The following UTRN variants were observed in gnomAD, a reference collection of about 807,000 sequenced individuals.
UTRN encodes the protein utrophin.
UTRN carries 283 observed loss-of-function variants against 463.9 expected under a neutral mutation model. The ratio of observed to expected loss-of-function variants is 0.61; its 90% CI spans 0.55 to 0.67. The LOEUF (loss-of-function observed/expected upper bound fraction) is 0.67. Ranked by LOEUF, UTRN falls within the 30% of genes least tolerant of loss-of-function variation. The pLI is 0.00. For missense variants in UTRN, 3,922 were observed against 4,084.3 expected (o/e 0.96, Z 1.08); for synonymous variants, 1,442 against 1,431.5 (o/e 1.01, Z -0.17).
intron 6 of UTRN, among the ~76,000 whole-genome samples, chr6:144,425,873 A>G (rs1785250063): frequency 6.6e-6 from 1 of 152,244 alleles, no homozygotes; most frequent in Non-Finnish European, 1.5e-5. Context: ...TGCAGTCAGG[A>G]AAGATACTTT....
rs141322351 is a variant in UTRN, at chr6:144,543,424, C to T, written c.6595+554C>T. Among the ~76,000 whole-genome samples the T allele has an allele frequency of 4.1e-4, 62 of 152,304 alleles. No individual in the cohort carries two copies. In the Middle Eastern group the frequency reaches 0.017, roughly 42 times the overall value. ...CCTTCTCTCTTTATCCAGATTAGAT[C>T]GCAGGCTCCTGCCCCATAGCCACTG... On this transcript the variant is annotated intron_variant, in intron 46 of 74. Transcript: ENST00000367545.
chr6:144,707,241 C>G (rs775379511), intron 53 of UTRN, among the ~76,000 whole-genome samples: 1 of 151,896 alleles, frequency 6.6e-6, no homozygotes, highest in East Asian at 1.9e-4. Flanking sequence ...CCCCAAGAAC[C>G]AATTTTTGTT....
In UTRN at chr6:144,748,355, A is replaced by G. The variant is rs371700258; in HGVS notation, c.8049A>G (p.Gln2683=). The G allele has an allele frequency of 9.3e-6, 15 of 1,613,730 alleles. No individual in the cohort carries two copies. In the African/African-American group the frequency reaches 1.9e-4, roughly 20 times the overall value. The change falls in exon 55 of 75, where the codon CAA becomes CAG. Residue 2683 remains glutamine (Q), a synonymous_variant. Coordinates refer to ENST00000367545, the MANE Select transcript of UTRN (RefSeq NM_007124.3). ...TAAATGCTGTAACTAGCAATTGGCA[A>G]AAGCAAGTGGACAAGGCATTGGAGA... The part of the protein sequence containing the change: ...ESLNAVTSNW[Q]KQVDKALEKL...
At chr6:144,661,712 C>G (rs1449829408) in intron 51 of UTRN, among the ~76,000 whole-genome samples, 2 of 152,160 alleles carry the variant, frequency 1.3e-5, no homozygotes, top group Non-Finnish European at 2.9e-5. Flanking sequence ...TAATTCATTA[C>G]TTAGACCCCC....
intron 71 of UTRN, among the ~76,000 whole-genome samples, chr6:144,837,533 A>T (rs1781203450): frequency 6.6e-6 from 1 of 152,194 alleles, no homozygotes; most frequent in African/African-American, 2.4e-5. Context: ...TGACATCAAC[A>T]TGCATGTCAT....
chr6:144,832,161 G>A (rs925822482), intron 69 of UTRN, among the ~76,000 whole-genome samples: 4 of 152,108 alleles, frequency 2.6e-5, no homozygotes, highest in Non-Finnish European at 4.4e-5. Context: ...TGTTCTATCT[G>A]CATTTAAAGA....
Position 144,475,236 on chromosome 6 carries a change from G to A in UTRN, c.3336+477G>A, listed in dbSNP as rs190926171. ...GGGCTAGGTGGGTTATTTCAAATAG[G>A]ATGGTCAGGGAAGGACTTTCTGAGA... On this transcript the variant is annotated intron_variant, in intron 25 of 74. Coordinates refer to ENST00000367545, the MANE Select transcript of UTRN (RefSeq NM_007124.3). Among the ~76,000 whole-genome samples, 738 of 152,302 alleles carry A rather than the reference G, an allele frequency of 4.8e-3. 3 individuals are homozygous for A. Among genetic ancestry groups the A allele is most frequent in the Middle Eastern group, 6.8e-3 (2 of 294 alleles).
chr6:144,537,362 T>C (rs1226881777), intron 43 of UTRN, among the ~76,000 whole-genome samples: 1 of 152,034 alleles, frequency 6.6e-6, no homozygotes, highest in African/African-American at 2.4e-5. Flanking sequence ...AGTTTCAATG[T>C]TTTTGAATTT....
At chr6:144,652,944 GC>G in intron 51 of UTRN, among the ~76,000 whole-genome samples, 1 of 152,246 alleles carries the variant, frequency 6.6e-6, no homozygotes, top group Middle Eastern at 3.4e-3. Context: ...ATATAATGAT[GC>G]CACCCTTTTT....
chr6:144,477,755 A>G (rs928447838), intron 25 of UTRN, among the ~76,000 whole-genome samples: 3 of 152,174 alleles, frequency 2.0e-5, no homozygotes, highest in African/African-American at 7.2e-5. Flanking sequence ...AATTTTTCTC[A>G]ATGTGCTATA....
At chr6:144,533,018 G>A in intron 42 of UTRN, 67 bp from the exon 43 acceptor site, 2 of 817,160 alleles carry the variant, frequency 2.4e-6, no homozygotes, top group Non-Finnish European at 4.0e-6. Context: ...CAATACTTGG[G>A]TGGATTCATT....
rs534580875 is a variant in UTRN, at chr6:144,741,071, G to A, written c.7940-7175G>A. On this transcript the variant is annotated intron_variant, in intron 54 of 74. Coordinates refer to ENST00000367545, the MANE Select transcript of UTRN (RefSeq NM_007124.3). ...GTACTTATGTTTTGTGATTGTTGTT[G>A]TTCTTAGTAGAAAACTGGAATCTTC... 1.1e-4 allele frequency among the ~76,000 whole-genome samples: 16 copies of A among 152,284 alleles called. No homozygotes were observed. In the East Asian group the frequency reaches 1.2e-3, roughly 11 times the overall value.
chr6:144,679,285 C>A (rs1781972843), intron 52 of UTRN, among the ~76,000 whole-genome samples: 1 of 151,984 alleles, frequency 6.6e-6, no homozygotes, highest in Non-Finnish European at 1.5e-5. Context: ...TTATTGGGAT[C>A]AAGAATATTT....
At position 144,558,014 on chromosome 6, in the gene UTRN, T is replaced by G. The variant is rs187019141; in HGVS notation, c.7289+703T>G. ...TCATGCATATAGTACTGGGAATGCC[T>G]GTGTCTAGGTGAAATTACGCACATC... is the stretch of plus-strand genomic sequence containing the variant. On this transcript the variant is annotated intron_variant, in intron 50 of 74. Transcript: ENST00000367545. Among the ~76,000 whole-genome samples, 623 of 152,308 alleles carry G rather than the reference T, an allele frequency of 4.1e-3. 4 individuals are homozygous for G. Among genetic ancestry groups the G allele is most frequent in the Non-Finnish European group, 6.4e-3 (435 of 68,024 alleles).
chr6:144,385,110 C>T (rs1052837911), intron 2 of UTRN, among the ~76,000 whole-genome samples: 1 of 152,034 alleles, frequency 6.6e-6, no homozygotes, highest in Admixed American at 6.6e-5. Context: ...TTATACAGTC[C>T]ATAGGTTCAG....
chr6:144,374,772 G>T (rs1170027968), intron 2 of UTRN, among the ~76,000 whole-genome samples: 4 of 151,248 alleles, frequency 2.6e-5, no homozygotes, highest in African/African-American at 9.7e-5. Flanking sequence ...GTGAGCTACC[G>T]CGCCCAGCCT....
At chr6:144,491,244 T>A in intron 32 of UTRN, 142 bp downstream of exon 32, 1 of 790,848 alleles carries the variant, frequency 1.3e-6, no homozygotes, top group Non-Finnish European at 1.8e-6. Flanking sequence ...GAAAACGTGT[T>A]AAAAAATAAG....
At chr6:144,519,590 T>A (rs545817490) in intron 39 of UTRN, among the ~76,000 whole-genome samples, 8 of 152,246 alleles carry the variant, frequency 5.3e-5, no homozygotes, top group Admixed American at 3.9e-4. Flanking sequence ...TCGAGGACAT[T>A]TTTTTAGTCC....
chr6:144,511,307 A>T (rs987134119), intron 35 of UTRN, among the ~76,000 whole-genome samples, 184 bp downstream of exon 35: 1 of 152,232 alleles, frequency 6.6e-6, no homozygotes, highest in African/African-American at 2.4e-5. Context: ...ACTAGAAAGA[A>T]TTTACAGTGT....
Sources: allele counts gnomAD v4.1 joint callset (sites outside exome capture counted in the v4.1 genomes callset), GRCh38; gene constraint gnomAD v4.1.1; transcripts MANE v1.5; gene names NCBI Gene and HGNC (gene_info 2026-07-23, HGNC 2026-07-21).